The following CCDC149 variants were observed in gnomAD, a reference collection of about 807,000 sequenced individuals.
CCDC149 encodes coiled-coil domain containing 149.
In CCDC149, 45 loss-of-function variants were observed where a neutral mutation model predicts 59.9. The observed-to-expected ratio is 0.75, with a 90% CI of 0.59 to 0.96. The LOEUF (loss-of-function observed/expected upper bound fraction) is 0.96, where lower values mean the gene tolerates loss of function less well. Ranked by LOEUF, CCDC149 falls within the 40% of genes least tolerant of loss-of-function variation. The pLI, the probability that CCDC149 is intolerant of heterozygous loss-of-function variation, is 0.00. For synonymous variants in CCDC149, 245 were observed against 260.6 expected (o/e 0.94, Z 0.58); for missense variants, 584 against 664.7 (o/e 0.88, Z 1.33).
chr4:24,851,428 GCTCT>G, intron 4 of CCDC149, among the ~76,000 whole-genome samples: 1 of 152,244 alleles, frequency 6.6e-6, no homozygotes, highest in East Asian at 1.9e-4. Flanking sequence ...ACGCCTGGCT[GCTCT>G]CTCTTTGTTT....
chr4:24,852,284 C>G (rs1390873112), intron 4 of CCDC149, among the ~76,000 whole-genome samples: 2 of 109,276 alleles, frequency 1.8e-5, no homozygotes, highest in Non-Finnish European at 4.1e-5. Context: ...CTCCAACACA[C>G]CATACACACA....
intron 4 of CCDC149, among the ~76,000 whole-genome samples, chr4:24,839,055 CACACACAGAGAGAGAG>C (rs1560211286): frequency 4.2e-5 from 6 of 143,482 alleles, no homozygotes; most frequent in African/African-American, 1.5e-4. Context: ...CACACACACA[CACACACAGAGAGAGAG>C]AGAGAAAGAG....
intron 3 of CCDC149, among the ~76,000 whole-genome samples, chr4:24,866,172 T>A (rs1718682156): frequency 6.6e-6 from 1 of 152,158 alleles, no homozygotes; most frequent in Non-Finnish European, 1.5e-5. Flanking sequence ...AAAGGGCCAC[T>A]CTATGCTCTG....
intron 2 of CCDC149, among the ~76,000 whole-genome samples, chr4:24,875,557 A>T (rs1719363359): frequency 6.6e-6 from 1 of 151,254 alleles, no homozygotes; most frequent in Non-Finnish European, 1.5e-5. Context: ...TTGGTCTCAA[A>T]CTCCTGGGCT....
At chr4:24,820,725 G>C (rs1388415379) in intron 11 of CCDC149, among the ~76,000 whole-genome samples, 1 of 152,048 alleles carries the variant, frequency 6.6e-6, no homozygotes, top group Non-Finnish European at 1.5e-5. Context: ...CTTCATCACT[G>C]CAGGAGGTCA....
At chr4:24,836,566 TG>T in intron 6 of CCDC149, 58 bp from the exon 7 acceptor site, 1 of 1,207,710 alleles carries the variant, frequency 8.3e-7, no homozygotes, top group East Asian at 2.3e-5. Context: ...AAACACACAC[TG>T]AAGTATAAGG....
At chr4:24,902,222 T>C (rs769188318) in intron 1 of CCDC149, among the ~76,000 whole-genome samples, 2 of 152,242 alleles carry the variant, frequency 1.3e-5, no homozygotes, top group African/African-American at 4.8e-5. Context: ...CCTTCCCTGA[T>C]TCCTGGCAGG....
chr4:24,927,156 G>C (rs1476157813), intron 1 of CCDC149, among the ~76,000 whole-genome samples: 1 of 152,198 alleles, frequency 6.6e-6, no homozygotes, highest in African/African-American at 2.4e-5. Flanking sequence ...GAGTACATGA[G>C]ATGTGAGGTT....
intron 1 of CCDC149, among the ~76,000 whole-genome samples, chr4:24,931,829 G>GTGTATATATATATATATATA (rs1373905167): frequency 6.5e-5 from 5 of 76,908 alleles, no homozygotes; most frequent in African/African-American, 3.0e-4. Context: ...TGGAGAGTAT[G>GTGTATATATATATATATATA]TATATATATA....
chr4:24,843,628 A>G (rs545793172), intron 4 of CCDC149, among the ~76,000 whole-genome samples: 4 of 152,354 alleles, frequency 2.6e-5, no homozygotes, highest in African/African-American at 9.6e-5. Flanking sequence ...AAAACAAAGC[A>G]AATCAAAACA....
intron 1 of CCDC149, among the ~76,000 whole-genome samples, chr4:24,938,558 G>A (rs1285248874): frequency 2.6e-5 from 4 of 152,176 alleles, no homozygotes; most frequent in African/African-American, 4.8e-5. Flanking sequence ...CAGGACAGGG[G>A]GTGCAGTGCA....
At chr4:24,885,233 G>C (rs1173635275) in intron 1 of CCDC149, among the ~76,000 whole-genome samples, 3 of 152,152 alleles carry the variant, frequency 2.0e-5, no homozygotes, top group African/African-American at 7.2e-5. Flanking sequence ...CTTTGAATGG[G>C]GGAGTGTCAT....
chr4:24,888,875 A>G (rs1720355633), intron 1 of CCDC149, among the ~76,000 whole-genome samples: 1 of 151,520 alleles, frequency 6.6e-6, no homozygotes, highest in South Asian at 2.1e-4. Flanking sequence ...GCAATTTCAA[A>G]TTGGTAGCTT....
upstream of CCDC149, among the ~76,000 whole-genome samples, chr4:24,914,407 A>T (rs577673767): frequency 9.9e-5 from 15 of 151,650 alleles, no homozygotes; most frequent in South Asian, 2.9e-3. Flanking sequence ...AAAAAAAAGA[A>T]AAAAAAAGGC....
At chr4:24,815,077 TTAA>T (rs1263577440) in intron 12 of CCDC149, among the ~76,000 whole-genome samples, 1 of 152,208 alleles carries the variant, frequency 6.6e-6, no homozygotes, top group African/African-American at 2.4e-5. Flanking sequence ...TAGTGGGGAC[TTAA>T]TAATAAATAG....
At chr4:24,970,828 G>A (rs540162602) in intron 1 of CCDC149, among the ~76,000 whole-genome samples, 5 of 152,072 alleles carry the variant, frequency 3.3e-5, no homozygotes, top group Admixed American at 3.3e-4. Context: ...TTTTGTGAGT[G>A]CAATGAGCCC....
intron 1 of CCDC149, among the ~76,000 whole-genome samples, chr4:24,891,709 A>G (rs1227766633): frequency 6.6e-6 from 1 of 152,218 alleles, no homozygotes; most frequent in East Asian, 1.9e-4. Flanking sequence ...CTTTCAACAA[A>G]GAAAATTTGC....
rs1265627517 is a variant in CCDC149, at chr4:24,838,083, C to T, written c.489+73G>A. 4.3e-6 allele frequency: 5 copies of T among 1,171,564 alleles called. 1 individual carries two copies. The highest frequency in any genetic ancestry group is 3.9e-4 in the Middle Eastern group (2 of 5,168). The allele number at this position is 1,171,564 out of a possible 1,614,324, so 72.6% of individuals were successfully genotyped here. ...CCCATACTCTGAGAAACGAGGGGCA[C>T]AGTCCACTCTTGTTTGTGTTGTGTC... On this transcript the variant is annotated intron_variant, in intron 5 of 12. Coordinates refer to ENST00000635206, the MANE Select transcript of CCDC149 (RefSeq NM_001330643.2).
chr4:24,932,874 T>A (rs1020000798), intron 1 of CCDC149, among the ~76,000 whole-genome samples: 1 of 152,170 alleles, frequency 6.6e-6, no homozygotes, highest in African/African-American at 2.4e-5. Flanking sequence ...AAAATGGAGC[T>A]GTGCGAACCA....
Sources: gnomAD v4.1 joint callset for allele counts (sites outside exome capture counted in the v4.1 genomes callset) on GRCh38, gnomAD v4.1.1 for gene constraint, MANE v1.5 for transcripts, NCBI Gene and HGNC (gene_info 2026-07-23, HGNC 2026-07-21) for gene names.